Variants in POLQ observed in about 807,000 individuals in gnomAD.
The protein encoded by POLQ is DNA polymerase theta, also known as epididymis secretory sperm binding protein.
POLQ carries 233 observed loss-of-function variants against 259.2 expected under a neutral mutation model. The ratio of observed to expected loss-of-function variants is 0.90; its 90% CI spans 0.81 to 1.00. POLQ has a LOEUF of 1.00. Among genes scored for constraint, POLQ ranks in the 50% least tolerant of loss-of-function variants. The pLI is 0.00. For synonymous variants in POLQ, 1,025 were observed against 1,048.8 expected, an observed-to-expected ratio of 0.98 and a Z score of 0.44; for missense variants, 2,871 against 3,051.6, an observed-to-expected ratio of 0.94 and a Z score of 1.39.
intron 12 of POLQ, among the ~76,000 whole-genome samples, chr3:121,503,313 A>G (rs2048186708): frequency 6.6e-6 from 1 of 152,226 alleles, no homozygotes; most frequent in South Asian, 2.1e-4. Context: ...CACACTCTGT[A>G]ATATTCACAC....
chr3:121,451,698 A>T (rs534165583), intron 25 of POLQ, among the ~76,000 whole-genome samples: 1 of 152,160 alleles, frequency 6.6e-6, no homozygotes, highest in South Asian at 2.1e-4. Flanking sequence ...GCCTGCTCCT[A>T]CTGGGGGGTG....
intron 15 of POLQ, among the ~76,000 whole-genome samples, chr3:121,492,344 AT>A (rs1294350022): frequency 6.6e-6 from 1 of 152,230 alleles, no homozygotes; most frequent in Non-Finnish European, 1.5e-5. Context: ...GGTAGAAAAA[AT>A]AATTAAGCTA....
chr3:121,481,127 A>G (rs1432066039), intron 19 of POLQ, among the ~76,000 whole-genome samples: 2 of 152,246 alleles, frequency 1.3e-5, no homozygotes, highest in Non-Finnish European at 2.9e-5. Context: ...CAAAAAGAAA[A>G]GAGTTAACTT....
intron 20 of POLQ, among the ~76,000 whole-genome samples, chr3:121,474,543 A>G (rs927063695): frequency 2.6e-5 from 4 of 152,250 alleles, no homozygotes; most frequent in Admixed American, 2.0e-4. Flanking sequence ...TAATAATTCT[A>G]AAAATTGAAA....
At chr3:121,523,231 G>A (rs1406182795) in intron 7 of POLQ, among the ~76,000 whole-genome samples, 1 of 151,944 alleles carries the variant, frequency 6.6e-6, no homozygotes, top group Admixed American at 6.6e-5. Flanking sequence ...GGTTGCCCAG[G>A]CTGGTTTCAA....
At chr3:121,514,893 A>T (rs2048283974) in intron 9 of POLQ, among the ~76,000 whole-genome samples, 1 of 152,226 alleles carries the variant, frequency 6.6e-6, no homozygotes, top group Non-Finnish European at 1.5e-5. Flanking sequence ...CCCAGCGTCA[A>T]AGCTCATGAG....
intron 24 of POLQ, among the ~76,000 whole-genome samples, chr3:121,467,036 A>G (rs1300512778): frequency 6.6e-6 from 1 of 152,250 alleles, no homozygotes; most frequent in Non-Finnish European, 1.5e-5. Context: ...GGGGTCAGGC[A>G]GAATGAGAAT....
Position 121,488,285 on chromosome 3 carries a change from G to C in POLQ, c.4646C>G (p.Thr1549Ser), listed in dbSNP as rs903692851. 1 of 1,612,520 alleles carries C rather than the reference G, an allele frequency of 6.2e-7. No individual in the cohort carries two copies. The highest frequency in any genetic ancestry group is 8.5e-7 in the Non-Finnish European group (1 of 1,179,336). The change falls in exon 16 of 30, where the codon ACT (threonine) becomes AGT (serine). Residue 1549 changes from threonine to serine, a missense_variant. Coordinates refer to ENST00000264233, the MANE Select transcript of POLQ (RefSeq NM_199420.4). The part of the protein sequence containing the change: ...NENQDTHQQL[T>S]CSNDESIIFS... ...TATAATAGATTCATCATTGGAACAA[G>C]TCAACTGCTGGTGGGTATCTTGATT...
At chr3:121,500,278 C>CA (rs1187939050) in intron 12 of POLQ, among the ~76,000 whole-genome samples, 3,989 of 52,304 alleles carry the variant, frequency 0.076, 190 homozygotes, top group African/African-American at 0.16. Context: ...GAATATGTCT[C>CA]AAAAAAAAAA....
intron 20 of POLQ, among the ~76,000 whole-genome samples, chr3:121,473,750 A>C (rs2047904322): frequency 1.7e-5 from 2 of 119,092 alleles, no homozygotes; most frequent in Non-Finnish European, 1.7e-5. Context: ...TTTTTTTGAG[A>C]CAGGATCTCA....
At chr3:121,494,707 C>A in intron 14 of POLQ, 1 of 1,581,154 alleles carries the variant, frequency 6.3e-7, no homozygotes, top group Non-Finnish European at 8.6e-7. Flanking sequence ...AGACCTGCAC[C>A]ACTGTCGCCT....
At chr3:121,529,486 T>C (rs1386387888) in intron 7 of POLQ, among the ~76,000 whole-genome samples, 159 bp downstream of exon 7, 1 of 152,176 alleles carries the variant, frequency 6.6e-6, no homozygotes, top group Non-Finnish European at 1.5e-5. Context: ...CGGAATATTA[T>C]TAGAATCGCA....
chr3:121,460,267 C>A (rs2047781529), intron 24 of POLQ, 33 bp from the exon 25 acceptor site: 1 of 1,528,118 alleles, frequency 6.5e-7, no homozygotes, highest in East Asian at 2.3e-5. Context: ...AAAGCTAGTA[C>A]AAAGTTTCTA....
At chr3:121,434,279 C>T (rs2047525553) in intron 28 of POLQ, among the ~76,000 whole-genome samples, 1 of 152,158 alleles carries the variant, frequency 6.6e-6, no homozygotes, top group African/African-American at 2.4e-5. Flanking sequence ...ATCATGAAGC[C>T]ATCCTCAGCG....
intron 5 of POLQ, 47 bp from the exon 6 acceptor site, chr3:121,533,256 TAATA>T (rs757908664): frequency 8.3e-7 from 1 of 1,207,958 alleles, no homozygotes; most frequent in Admixed American, 2.4e-5. Context: ...TATAATACAT[TAATA>T]ATTAGTGTTG....
intron 26 of POLQ, 139 bp from the exon 27 acceptor site, chr3:121,440,255 G>A (rs6769377): frequency 0.64 from 367,146 of 576,082 alleles, 120,739 homozygotes; most frequent in East Asian, 0.89. Context: ...TCAGGCATGC[G>A]AACTTTCATT....
chr3:121,502,871 T>C (rs942960156), intron 12 of POLQ, among the ~76,000 whole-genome samples: 1 of 152,192 alleles, frequency 6.6e-6, no homozygotes, highest in African/African-American at 2.4e-5. Flanking sequence ...AGAATACTTC[T>C]TTATTTCACT....
At chr3:121,460,502 T>C (rs1411288477) in intron 24 of POLQ, among the ~76,000 whole-genome samples, 3 of 152,202 alleles carry the variant, frequency 2.0e-5, no homozygotes, top group Non-Finnish European at 4.4e-5. Context: ...TTCCTCAGTG[T>C]TCCTACAGCA....
chr3:121,524,187 G>A (rs2048356763), intron 7 of POLQ, among the ~76,000 whole-genome samples: 1 of 152,100 alleles, frequency 6.6e-6, no homozygotes, highest in Non-Finnish European at 1.5e-5. Flanking sequence ...AAATGGCCAT[G>A]GTAAAATGTA....
Sources: allele counts gnomAD v4.1 joint callset (sites outside exome capture counted in the v4.1 genomes callset), GRCh38; gene constraint gnomAD v4.1.1; transcripts MANE v1.5; gene names NCBI Gene and HGNC (gene_info 2026-07-23, HGNC 2026-07-21).